COQ8B: variants seen among roughly 807,000 people sequenced by gnomAD.
The protein encoded by COQ8B is atypical kinase COQ8B, mitochondrial.
In COQ8B, 44 loss-of-function variants were observed where a neutral mutation model predicts 62.0. That is an observed-to-expected ratio of 0.71 (90% confidence interval 0.56 to 0.91). COQ8B has a LOEUF of 0.91. COQ8B is among the 40% of genes least tolerant of loss of function. The pLI, the probability that COQ8B is intolerant of heterozygous loss-of-function variation, is 0.00. For missense variants in COQ8B, 649 were observed against 731.6 expected (o/e 0.89, Z 1.30); for synonymous variants, 252 against 289.9 (o/e 0.87, Z 1.33).
rs1351805837 is a variant in COQ8B, at chr19:40,705,156, C to T, written c.516G>A (p.Leu172=). The T allele has an allele frequency of 6.2e-7, 1 of 1,613,306 alleles. No homozygotes were observed. Among genetic ancestry groups the T allele is most frequent in the Non-Finnish European group, 8.5e-7 (1 of 1,179,684 alleles). Residue 172 remains leucine, a synonymous_variant, in exon 7 of 15, where the codon CTG becomes CTA. Transcript: ENST00000324464. ...GGCGGACCCGCTCAAAGATGTGCTG[C>T]AGCTGAGGGCTGATGAAGCTGTTGT... ...IQDNSFISPQ[L]QHIFERVRQS...
At chr19:40,706,612 A>G (rs1490892045) in intron 5 of COQ8B, among the ~76,000 whole-genome samples, 1 of 152,148 alleles carries the variant, frequency 6.6e-6, no homozygotes, top group Non-Finnish European at 1.5e-5. Flanking sequence ...GGTATGCACC[A>G]CCATGCTTGG....
At chr19:40,712,954 C>G (rs1486206561) in intron 4 of COQ8B, among the ~76,000 whole-genome samples, 3 of 152,222 alleles carry the variant, frequency 2.0e-5, no homozygotes, top group Non-Finnish European at 4.4e-5. Flanking sequence ...TGGCTCATGC[C>G]TAGAACCCCA....
intron 7 of COQ8B, chr19:40,704,111 G>A (rs150862317): frequency 5.9e-4 from 275 of 462,490 alleles, no homozygotes; most frequent in African/African-American, 5.1e-3. Flanking sequence ...GCTGTTGTGG[G>A]GATTGCTATT....
rs1212749508 is a variant in COQ8B, at chr19:40,691,971, A to G, written c.*64T>C. 43 of 1,412,898 alleles carry G rather than the reference A, an allele frequency of 3.0e-5. No individual in the cohort carries two copies. Among genetic ancestry groups the G allele is most frequent in the Middle Eastern group, 5.1e-4 (2 of 3,914 alleles). 87.5% of individuals were successfully genotyped at this position (1,412,898 alleles called of 1,614,324 possible). ...TCCTCTGACCCAGGGCAGACGGGGA[A>G]GGGATAAGAGGCACTACAGCAGGGT... On this transcript the variant is annotated 3_prime_UTR_variant, in exon 15 of 15. Transcript: ENST00000324464.
At chr19:40,704,949 G>A (rs1321324576) in intron 7 of COQ8B, 147 bp downstream of exon 7, 3 of 714,492 alleles carry the variant, frequency 4.2e-6, no homozygotes, top group African/African-American at 1.8e-5. Context: ...GCAATGCTAG[G>A]AGGTGTGTAC....
chr19:40,715,116 G>A lies in COQ8B; in HGVS notation c.-3-481C>T, dbSNP rs919055480. Reference sequence around the variant, plus strand: ...CCCTCCTGTGCTTCCGGGAGCCTCTGTATGCCCGCCCCCTTCGGCCAGCCA... The same window carrying A: ...CCCTCCTGTGCTTCCGGGAGCCTCTATATGCCCGCCCCCTTCGGCCAGCCA... On this transcript the variant is annotated intron_variant, in intron 1 of 14. Coordinates refer to ENST00000324464, the MANE Select transcript of COQ8B (RefSeq NM_024876.4). The A allele has an allele frequency of 1.1e-5, 11 of 986,800 alleles. No homozygotes were observed. The African/African-American group carries it at 1.9e-4, about 17-fold the overall frequency. 61.1% of individuals were successfully genotyped at this position (986,800 alleles called of 1,614,324 possible).
At position 40,692,943 on chromosome 19, in the gene COQ8B, C is replaced by A; in HGVS notation, c.1296+8G>T. The A allele has an allele frequency of 6.2e-7, 1 of 1,613,652 alleles. No individual in the cohort carries two copies. On this transcript the variant is annotated splice_region_variant and intron_variant, in intron 14 of 14. Coordinates refer to ENST00000324464, the MANE Select transcript of COQ8B (RefSeq NM_024876.4). ...CACCAGCCCCTTTCTCCCCCAGTGTCTCCCCACCTTGGTTTCAAAGCCTGT... is the reference window on the plus strand; with the variant it reads ...CACCAGCCCCTTTCTCCCCCAGTGTATCCCCACCTTGGTTTCAAAGCCTGT...
At chr19:40,692,398 C>G (rs764094080) in intron 14 of COQ8B, 25 bp from the exon 15 acceptor site, 1 of 1,603,678 alleles carries the variant, frequency 6.2e-7, no homozygotes, top group South Asian at 1.1e-5. Flanking sequence ...GGGGGGAGAG[C>G]AAAGGCAGCC....
chr19:40,694,519 T>C (rs2081998660), intron 13 of COQ8B, among the ~76,000 whole-genome samples: 1 of 152,110 alleles, frequency 6.6e-6, no homozygotes, highest in South Asian at 2.1e-4. Context: ...TTCCTTTGGG[T>C]GCTCTAGGGC....
chr19:40,716,151 G>T (rs75897642), intron 1 of COQ8B, among the ~76,000 whole-genome samples: 3,755 of 152,104 alleles, frequency 0.025, 66 homozygotes, highest in Non-Finnish European at 0.04. Context: ...TCCTGCCTTC[G>T]ATTTCTCTCA....
chr19:40,713,990 C>T lies in COQ8B; in HGVS notation c.289+77G>A. 3 of 1,481,844 alleles carry T rather than the reference C, an allele frequency of 2.0e-6. No individual in the cohort carries two copies. The South Asian group carries it at 3.5e-5, about 17-fold the overall frequency. The allele number at this position is 1,481,844 out of a possible 1,614,324, so 91.8% of individuals were successfully genotyped here. A position where few individuals can be genotyped will look rare whatever the true frequency, so the allele number is the denominator to read the frequency against. ...TCTCTCTTTCCTGTCTCTGATTCATCCTCTCCCTTGCTTCAATCTGTAAAT... is the reference window on the plus strand; with the variant it reads ...TCTCTCTTTCCTGTCTCTGATTCATTCTCTCCCTTGCTTCAATCTGTAAAT... On this transcript the variant is annotated intron_variant, in intron 4 of 14. Transcript: ENST00000324464.
At chr19:40,694,329 T>C (rs115194032) in intron 13 of COQ8B, among the ~76,000 whole-genome samples, 2,150 of 152,292 alleles carry the variant, frequency 0.014, 39 homozygotes, top group African/African-American at 0.048. Context: ...CCACTTCTTA[T>C]TCAGAGGGAG....
At chr19:40,705,547 G>C in intron 5 of COQ8B, 100 bp from the exon 6 acceptor site, 1 of 1,359,380 alleles carries the variant, frequency 7.4e-7, no homozygotes, top group Non-Finnish European at 9.7e-7. Flanking sequence ...GGGAGACCCA[G>C]GCGGGATGAA....
At position 40,714,368 on chromosome 19, in the gene COQ8B, C is replaced by T; in HGVS notation, c.132G>A (p.Lys44=). Residue 44 remains lysine, a synonymous_variant, in exon 3 of 15, where the codon AAG becomes AAA. Coordinates refer to ENST00000324464, the MANE Select transcript of COQ8B (RefSeq NM_024876.4). ...WGPCGGSWAQ[K]FYQDGPGRGL... is the part of the protein sequence containing the mutation. ...CTCTCCCAGGCCCATCCTGGTAAAA[C>T]TTTTGGGCCCAAGAACCTCCACATG... 3 of 1,614,148 alleles carry T rather than the reference C, an allele frequency of 1.9e-6. No homozygotes were observed. In the South Asian group the frequency reaches 3.3e-5, roughly 18 times the overall value.
chr19:40,692,880 T>G, intron 14 of COQ8B, 71 bp downstream of exon 14: 17 of 1,386,738 alleles, frequency 1.2e-5, no homozygotes, highest in Non-Finnish European at 1.4e-5. Context: ...AGTTCCTCAG[T>G]GGAGATAAGC....
intron 4 of COQ8B, among the ~76,000 whole-genome samples, chr19:40,711,112 CAA>C (rs1189124689): frequency 3.9e-5 from 5 of 128,700 alleles, no homozygotes; most frequent in Non-Finnish European, 6.4e-5. Flanking sequence ...GCCTGGGAAA[CAA>C]GAGAGAAACT....
Position 40,714,637 on chromosome 19 carries a change from TGGA to T in COQ8B, c.-3-5_-3-3del. On this transcript the variant is annotated splice_region_variant and splice_polypyrimidine_tract_variant and intron_variant, in intron 1 of 14. Coordinates refer to ENST00000324464, the MANE Select transcript of COQ8B (RefSeq NM_024876.4). ...GCCCCCCACCTTCAGCCACATTGCC[TGGA>T]GGAGAAGAGGAGGGATTATTCAGGT... 3.1e-6 allele frequency: 5 copies of T among 1,598,156 alleles called. No homozygotes were observed. The highest frequency in any genetic ancestry group is 4.3e-6 in the Non-Finnish European group (5 of 1,173,158).
chr19:40,697,872 A>AGG (rs1464239424), intron 12 of COQ8B, among the ~76,000 whole-genome samples: 8 of 130,892 alleles, frequency 6.1e-5, no homozygotes, highest in African/African-American at 1.4e-4. Context: ...AGAGAGAGAG[A>AGG]GAGAGTTTCT....
At position 40,700,293 on chromosome 19, in the gene COQ8B, G is replaced by A; in HGVS notation, c.1035+17C>T. 6.2e-7 allele frequency: 1 copy of A among 1,612,050 alleles called. No homozygotes were observed. The highest frequency in any genetic ancestry group is 8.5e-7 in the Non-Finnish European group (1 of 1,178,492). ...CCTGGGGCCATGCCCTTCCCACTGT[G>A]CCACCAGACAGCATACCTGGTTCCG... On this transcript the variant is annotated intron_variant, in intron 11 of 14. Transcript: ENST00000324464.
Sources: allele counts gnomAD v4.1 joint callset (sites outside exome capture counted in the v4.1 genomes callset), GRCh38; gene constraint gnomAD v4.1.1; transcripts MANE v1.5; gene names NCBI Gene and HGNC (gene_info 2026-07-23, HGNC 2026-07-21).